The following PIK3C2G variants were observed in gnomAD, a reference collection of about 807,000 sequenced individuals.
PIK3C2G encodes the protein phosphatidylinositol-4-phosphate 3-kinase catalytic subunit type 2 gamma.
A neutral mutation model predicts 181.1 loss-of-function variants in PIK3C2G; 168 were observed. The observed-to-expected ratio is 0.93, with a 90% CI of 0.82 to 1.05. The LOEUF is 1.05. Ranked by LOEUF, PIK3C2G falls within the 50% of genes least tolerant of loss-of-function variation. The pLI is 0.00. For missense variants in PIK3C2G, 1,869 were observed against 1,732.8 expected (o/e 1.08, Z -1.40); for synonymous variants, 573 against 592.2 (o/e 0.97, Z 0.47).
intron 18 of PIK3C2G, among the ~76,000 whole-genome samples, chr12:18,471,236 A>C (rs1938427878): frequency 6.6e-6 from 1 of 152,148 alleles, no homozygotes; most frequent in Non-Finnish European, 1.5e-5. Context: ...CTCAGACAAG[A>C]CAATTACTGC....
At chr12:18,564,030 A>T (rs951886053) in intron 28 of PIK3C2G, among the ~76,000 whole-genome samples, 2 of 149,922 alleles carry the variant, frequency 1.3e-5, no homozygotes, top group African/African-American at 5.0e-5. Flanking sequence ...TATGTTACTA[A>T]CTCATTTTGT....
At chr12:18,351,253 A>G (rs1940189967) in intron 11 of PIK3C2G, among the ~76,000 whole-genome samples, 1 of 152,084 alleles carries the variant, frequency 6.6e-6, no homozygotes. Flanking sequence ...AACATATGGA[A>G]TATGGTCAAA....
intron 31 of PIK3C2G, among the ~76,000 whole-genome samples, chr12:18,622,662 C>G (rs2136674463): frequency 6.6e-6 from 1 of 151,968 alleles, no homozygotes; most frequent in African/African-American, 2.4e-5. Flanking sequence ...TACTAATTTA[C>G]ATTCCCACTG....
rs1216374249 is a variant in PIK3C2G, at chr12:18,581,329, AT to A, written c.4012-13164del. Among the ~76,000 whole-genome samples the A allele has an allele frequency of 9.3e-4, 141 of 151,812 alleles. No individual in the cohort carries two copies. The Middle Eastern group carries it at 0.014, about 15-fold the overall frequency. On this transcript the variant is annotated intron_variant, in intron 29 of 32. Coordinates refer to ENST00000538779, the MANE Select transcript of PIK3C2G (RefSeq NM_001288772.2). The stretch of plus-strand genomic sequence containing the variant: ...CATATCTACTCTGACAGTGAAAAAA[AT>A]ACATACATAAAACCTCATAGAGCAT...
chr12:18,562,652 A>C (rs930426361), intron 26 of PIK3C2G, 51 bp from the exon 27 acceptor site: 7 of 1,059,384 alleles, frequency 6.6e-6, no homozygotes, highest in Non-Finnish European at 9.8e-6. Context: ...AAATGAAATG[A>C]GTAGATGCAG....
intron 30 of PIK3C2G, among the ~76,000 whole-genome samples, chr12:18,603,599 G>T (rs1004911912): frequency 6.6e-6 from 1 of 152,104 alleles, no homozygotes; most frequent in Non-Finnish European, 1.5e-5. Flanking sequence ...ACAAGGGAAA[G>T]AATCTTAAGA....
intron 11 of PIK3C2G, among the ~76,000 whole-genome samples, chr12:18,351,498 A>G (rs1213617098): frequency 6.6e-6 from 1 of 152,166 alleles, no homozygotes; most frequent in Non-Finnish European, 1.5e-5. Context: ...CTATTAACTG[A>G]GCACATTCTA....
chr12:18,689,905 G>A, the PIK3C2G span, among the ~76,000 whole-genome samples: 1 of 152,188 alleles, frequency 6.6e-6, no homozygotes. Context: ...TAATCACAAA[G>A]CTCCCTAGAG....
At chr12:18,711,290 A>C in the PIK3C2G span, among the ~76,000 whole-genome samples, 1 of 148,894 alleles carries the variant, frequency 6.7e-6, no homozygotes, top group Non-Finnish European at 1.5e-5. Context: ...AAGGACAAAA[A>C]ACCAAACACC....
chr12:18,642,582 C>T (rs1233830623), intron 32 of PIK3C2G, among the ~76,000 whole-genome samples: 1 of 152,134 alleles, frequency 6.6e-6, no homozygotes, highest in Non-Finnish European at 1.5e-5. Context: ...AGACTGACCT[C>T]AGATGTGAAC....
chr12:18,621,191 C>G (rs1222045447), intron 31 of PIK3C2G, among the ~76,000 whole-genome samples: 1 of 148,808 alleles, frequency 6.7e-6, no homozygotes, highest in Non-Finnish European at 1.5e-5. Context: ...TAAGGCAGTT[C>G]AAAGCAATTT....
chr12:18,443,913 A>G (rs988800128), intron 18 of PIK3C2G, among the ~76,000 whole-genome samples: 5 of 152,188 alleles, frequency 3.3e-5, no homozygotes, highest in African/African-American at 1.2e-4. Flanking sequence ...AGAATTATTC[A>G]CACAGTTGCC....
chr12:18,596,419 C>G (rs1456707837), intron 30 of PIK3C2G, among the ~76,000 whole-genome samples: 1 of 152,166 alleles, frequency 6.6e-6, no homozygotes, highest in African/African-American at 2.4e-5. Flanking sequence ...CTTTAACTCT[C>G]TAATGACATG....
intron 8 of PIK3C2G, among the ~76,000 whole-genome samples, chr12:18,325,706 C>CAAAAAAAAAA (rs34711642): frequency 1.5e-3 from 90 of 61,610 alleles, no homozygotes; most frequent in African/African-American, 4.9e-3. Context: ...GACTCAGTCT[C>CAAAAAAAAAA]AAAAAAAAAA....
chr12:18,502,265 C>G (rs528409336), intron 22 of PIK3C2G, among the ~76,000 whole-genome samples: 1 of 152,234 alleles, frequency 6.6e-6, no homozygotes, highest in South Asian at 2.1e-4. Context: ...CACAGATAAG[C>G]CTTTTGTTTA....
intron 5 of PIK3C2G, among the ~76,000 whole-genome samples, chr12:18,304,423 A>AT (rs1364426581): frequency 1.3e-5 from 2 of 151,992 alleles, no homozygotes; most frequent in Non-Finnish European, 2.9e-5. Flanking sequence ...TGCCCAGCTA[A>AT]TTTTTGTATT....
downstream of PIK3C2G, among the ~76,000 whole-genome samples, chr12:18,651,928 T>C (rs1950538226): frequency 6.6e-6 from 1 of 152,150 alleles, no homozygotes; most frequent in Admixed American, 6.6e-5. Flanking sequence ...CATTCCATCA[T>C]AACTCAGCAG....
intron 18 of PIK3C2G, among the ~76,000 whole-genome samples, chr12:18,465,989 T>C (rs1343749546): frequency 6.6e-6 from 1 of 151,696 alleles, no homozygotes; most frequent in Non-Finnish European, 1.5e-5. Flanking sequence ...AGATTCTAGA[T>C]AATTTTTTAA....
chr12:18,244,231 A>G (rs188664410), upstream of PIK3C2G, among the ~76,000 whole-genome samples: 204 of 152,116 alleles, frequency 1.3e-3, no homozygotes, highest in African/African-American at 4.6e-3. Context: ...TAGAAATCTA[A>G]CTGCCAGTCA....
Sources: allele counts gnomAD v4.1 joint callset (sites outside exome capture counted in the v4.1 genomes callset), GRCh38; gene constraint gnomAD v4.1.1; transcripts MANE v1.5; gene names NCBI Gene and HGNC (gene_info 2026-07-23, HGNC 2026-07-21).